Variants in SIPA1L1 observed in about 807,000 individuals in gnomAD.
SIPA1L1 encodes signal induced proliferation associated 1 like 1, also known as signal-induced proliferation-associated 1-like protein 1.
A neutral mutation model predicts 162.7 loss-of-function variants in SIPA1L1; 26 were observed. That is an observed-to-expected ratio of 0.16 (90% CI 0.12 to 0.22). The LOEUF is 0.22. Among genes scored for constraint, SIPA1L1 ranks in the 10% least tolerant of loss-of-function variants. The pLI is 1.00. For missense variants in SIPA1L1, 1,874 were observed against 2,241.0 expected (o/e 0.84, Z 3.31); for synonymous variants, 829 against 837.4 (o/e 0.99, Z 0.17).
At chr14:71,645,663 A>T (rs370161719) in intron 7 of SIPA1L1, among the ~76,000 whole-genome samples, 2 of 152,228 alleles carry the variant, frequency 1.3e-5, no homozygotes, top group East Asian at 1.9e-4. Flanking sequence ...ATAGCGGAGA[A>T]AAAGAATGCA....
At chr14:71,467,013 C>T (rs985657325) in intron 2 of SIPA1L1, among the ~76,000 whole-genome samples, 2 of 152,170 alleles carry the variant, frequency 1.3e-5, no homozygotes, top group African/African-American at 4.8e-5. Context: ...ACTATTTTAT[C>T]TCATAACTCA....
chr14:71,453,550 G>A (rs558332242), intron 2 of SIPA1L1, among the ~76,000 whole-genome samples: 1 of 152,284 alleles, frequency 6.6e-6, no homozygotes, highest in East Asian at 1.9e-4. Context: ...AGTAGAAAGT[G>A]CATTTGAGAC....
At chr14:71,586,628 C>T (rs953996823) in intron 4 of SIPA1L1, 1 of 152,190 alleles carries the variant, frequency 6.6e-6, no homozygotes, top group Non-Finnish European at 1.5e-5. Flanking sequence ...ATCTGTGTCT[C>T]CTGCCTTCTG....
At chr14:71,382,596 T>G (rs996098358) in intron 2 of SIPA1L1, among the ~76,000 whole-genome samples, 2 of 152,190 alleles carry the variant, frequency 1.3e-5, no homozygotes, top group African/African-American at 4.8e-5. Flanking sequence ...GACTTTTCTG[T>G]AGGAGTCACT....
chr14:71,544,064 T>TACAC (rs1226649399), intron 4 of SIPA1L1, among the ~76,000 whole-genome samples: 2 of 151,382 alleles, frequency 1.3e-5, no homozygotes, highest in Admixed American at 6.6e-5. Flanking sequence ...TGTATGTATA[T>TACAC]ACACACGCAC....
At chr14:71,479,345 G>GTATGTATA (rs1192186158) in intron 2 of SIPA1L1, among the ~76,000 whole-genome samples, 1 of 151,082 alleles carries the variant, frequency 6.6e-6, no homozygotes, top group African/African-American at 2.4e-5. Flanking sequence ...AGGTATGTAT[G>GTATGTATA]TATGTATGTA....
At chr14:71,631,906 A>G (rs1367354297) in intron 7 of SIPA1L1, among the ~76,000 whole-genome samples, 1 of 152,256 alleles carries the variant, frequency 6.6e-6, no homozygotes, top group Non-Finnish European at 1.5e-5. Context: ...AGTAGTTAAG[A>G]GAGTTATGTA....
At chr14:71,578,337 G>T (rs917757299) in intron 4 of SIPA1L1, among the ~76,000 whole-genome samples, 32 of 152,114 alleles carry the variant, frequency 2.1e-4, no homozygotes, top group Admixed American at 7.9e-4. Context: ...CAAAGTGCTG[G>T]GATTACAGTT....
chr14:71,328,474 C>T (rs959877471), intron 2 of SIPA1L1, among the ~76,000 whole-genome samples: 1 of 152,122 alleles, frequency 6.6e-6, no homozygotes, highest in Non-Finnish European at 1.5e-5. Context: ...TGCTTCTCCC[C>T]CACCCAGTTG....
At chr14:71,530,320 A>G (rs2145308616) in intron 4 of SIPA1L1, among the ~76,000 whole-genome samples, 1 of 152,248 alleles carries the variant, frequency 6.6e-6, no homozygotes, top group South Asian at 2.1e-4. Flanking sequence ...AATAAAATAT[A>G]TCACTTTCAG....
intron 7 of SIPA1L1, among the ~76,000 whole-genome samples, chr14:71,628,403 G>C (rs973066569): frequency 6.6e-6 from 1 of 152,178 alleles, no homozygotes; most frequent in African/African-American, 2.4e-5. Flanking sequence ...AGGAGCTGTT[G>C]ATAATAAGAT....
intron 4 of SIPA1L1, among the ~76,000 whole-genome samples, chr14:71,583,533 A>G (rs1442495904): frequency 6.6e-6 from 1 of 152,052 alleles, no homozygotes; most frequent in Admixed American, 6.6e-5. Context: ...CACAACAGGA[A>G]CTGTAGTGTT....
intron 17 of SIPA1L1, among the ~76,000 whole-genome samples, chr14:71,713,551 C>G (rs1365037421): frequency 6.6e-6 from 1 of 152,192 alleles, no homozygotes. Flanking sequence ...GGTTAAAGAC[C>G]AAGAAAAATG....
intron 2 of SIPA1L1, among the ~76,000 whole-genome samples, chr14:71,370,837 A>T (rs1044344018): frequency 5.3e-5 from 8 of 152,174 alleles, no homozygotes; most frequent in Non-Finnish European, 8.8e-5. Flanking sequence ...GTGACATCAC[A>T]GTTTAGTTTC....
At chr14:71,474,503 A>T (rs2047700787) in intron 2 of SIPA1L1, among the ~76,000 whole-genome samples, 1 of 152,222 alleles carries the variant, frequency 6.6e-6, no homozygotes, top group Non-Finnish European at 1.5e-5. Flanking sequence ...GCACCATGCC[A>T]GGGTGATAAA....
chr14:71,557,553 A>T (rs2146464728), intron 4 of SIPA1L1, among the ~76,000 whole-genome samples: 1 of 152,306 alleles, frequency 6.6e-6, no homozygotes, highest in East Asian at 1.9e-4. Context: ...GGTACTTGAG[A>T]TGTGAGTGCC....
chr14:71,727,021 GT>G (rs2084304570), intron 19 of SIPA1L1, among the ~76,000 whole-genome samples: 1 of 152,102 alleles, frequency 6.6e-6, no homozygotes, highest in Non-Finnish European at 1.5e-5. Flanking sequence ...CTACCTATGA[GT>G]TTTTGTTAAT....
At chr14:71,675,133 T>G (rs1180175620) in intron 12 of SIPA1L1, among the ~76,000 whole-genome samples, 1 of 152,218 alleles carries the variant, frequency 6.6e-6, no homozygotes, top group Non-Finnish European at 1.5e-5. Context: ...CGATGTGATG[T>G]CACTGCAGGC....
In SIPA1L1 at chr14:71,636,379, A is replaced by T. The variant is rs184771828; in HGVS notation, c.1818+12143A>T. Among the ~76,000 whole-genome samples the T allele has an allele frequency of 1.4e-4, 21 of 152,368 alleles. No homozygotes were observed. In the South Asian group the frequency reaches 2.5e-3, roughly 18 times the overall value. On this transcript the variant is annotated intron_variant, in intron 7 of 23. Transcript: ENST00000381232. ...ATCAAACTGGAATCAAACTAGAAAT[A>T]ACAGAAACATAATGGAAAAATCTCT...
Sources: gnomAD v4.1 joint callset for allele counts (sites outside exome capture counted in the v4.1 genomes callset) on GRCh38, gnomAD v4.1.1 for gene constraint, MANE v1.5 for transcripts, NCBI Gene and HGNC (gene_info 2026-07-23, HGNC 2026-07-21) for gene names.